The following CCT3 variants were observed in gnomAD, a reference collection of about 807,000 sequenced individuals.
CCT3 encodes the protein T-complex protein 1 subunit gamma.
Under a neutral mutation model 65.3 loss-of-function variants are expected in CCT3, and 10 were observed. That is an observed-to-expected ratio of 0.15 (90% confidence interval 0.09 to 0.26). The LOEUF (loss-of-function observed/expected upper bound fraction) is 0.26, where lower values mean the gene tolerates loss of function less well. CCT3 is among the 10% of genes least tolerant of loss of function. The pLI is 1.00. For missense variants in CCT3, 626 were observed against 708.7 expected (o/e 0.88, Z 1.33); for synonymous variants, 225 against 242.3 (o/e 0.93, Z 0.66).
rs1664541325 is a variant in CCT3 at position 156,321,231 on chromosome 1, G to A, written c.423-206C>T. On this transcript the variant is annotated intron_variant, in intron 6 of 13. Transcript: ENST00000295688. ...CAAGATTACAACTCATCTGTAGACG[G>A]TGCCTTAATTCCCTGAGCAACCCTT... is the stretch of plus-strand genomic sequence containing the variant. Among the ~76,000 whole-genome samples, 2 of 152,170 alleles carry A rather than the reference G, an allele frequency of 1.3e-5. 1 individual carries two copies. Among genetic ancestry groups the A allele is most frequent in the Admixed American group, 1.3e-4 (2 of 15,272 alleles).
chr1:156,310,888 C>T lies in CCT3; in HGVS notation c.1401+62G>A. The T allele has an allele frequency of 1.9e-6, 3 of 1,565,660 alleles. No homozygotes were observed. The South Asian group carries it at 3.5e-5, about 18-fold the overall frequency. ...ATTTGGATAGCCAGATAAGAATCTT[C>T]CCCTCAGGGCAAACACAGCTTTCCC... On this transcript the variant is annotated intron_variant, in intron 12 of 13. Transcript: ENST00000295688.
intron 1 of CCT3, chr1:156,337,094 G>A (rs1665420855): frequency 7.8e-7 from 1 of 1,285,582 alleles, no homozygotes; most frequent in African/African-American, 1.5e-5. Flanking sequence ...GAAGACAATG[G>A]AGGTGGTGCT....
At chr1:156,312,249 C>A (rs1164579252) in intron 10 of CCT3, 28 bp from the exon 11 acceptor site, 2 of 1,600,078 alleles carry the variant, frequency 1.2e-6, no homozygotes, top group African/African-American at 1.3e-5. Flanking sequence ...TGGGGAGAAT[C>A]AGATGATTTC....
At chr1:156,329,918 G>A (rs1395208071) in intron 5 of CCT3, among the ~76,000 whole-genome samples, 2 of 150,754 alleles carry the variant, frequency 1.3e-5, no homozygotes, top group Admixed American at 6.6e-5. Context: ...CAGCCTGGGC[G>A]ACAGTATGAA....
chr1:156,315,142 A>C (rs1364745172), intron 10 of CCT3, among the ~76,000 whole-genome samples: 1 of 152,186 alleles, frequency 6.6e-6, no homozygotes, highest in African/African-American at 2.4e-5. Context: ...TTCAACATGA[A>C]GATGATGATG....
chr1:156,331,242 C>A (rs2101670599), intron 5 of CCT3, among the ~76,000 whole-genome samples: 1 of 152,016 alleles, frequency 6.6e-6, no homozygotes, highest in East Asian at 1.9e-4. Context: ...AAAAGAAAAA[C>A]ACTTTGGGAG....
chr1:156,330,104 A>G (rs1035653238), intron 5 of CCT3, among the ~76,000 whole-genome samples: 1 of 152,210 alleles, frequency 6.6e-6, no homozygotes, highest in African/African-American at 2.4e-5. Flanking sequence ...ATGGATACTT[A>G]TTCTACCCAC....
intron 1 of CCT3, chr1:156,337,896 G>A (rs899383164): frequency 1.9e-6 from 1 of 537,748 alleles, no homozygotes; most frequent in Non-Finnish European, 3.3e-6. Context: ...GACAGAACGC[G>A]GAGTGGGAAA....
chr1:156,314,824 T>C (rs1438331858), intron 10 of CCT3, among the ~76,000 whole-genome samples: 1 of 152,208 alleles, frequency 6.6e-6, no homozygotes, highest in East Asian at 1.9e-4. Context: ...GAAGCAGCAG[T>C]GCCAGAAAAC....
At chr1:156,314,534 G>C (rs1023428745) in intron 10 of CCT3, among the ~76,000 whole-genome samples, 1 of 151,604 alleles carries the variant, frequency 6.6e-6, no homozygotes, top group Non-Finnish European at 1.5e-5. Context: ...GACCAACATG[G>C]AGAAACCCCG....
chr1:156,329,951 A>AC (rs1269281487), intron 5 of CCT3, among the ~76,000 whole-genome samples: 1 of 151,932 alleles, frequency 6.6e-6, no homozygotes, highest in Admixed American at 6.6e-5. Flanking sequence ...AAAAAAAAAA[A>AC]GCAAAAGCCT....
At chr1:156,322,557 A>G (rs1017389655) in intron 6 of CCT3, among the ~76,000 whole-genome samples, 2 of 145,540 alleles carry the variant, frequency 1.4e-5, no homozygotes, top group African/African-American at 5.1e-5. Flanking sequence ...TTACTTGATT[A>G]AAAAAAAAAA....
At position 156,317,512 on chromosome 1, in the gene CCT3, G is replaced by A. The variant is rs1664358420; in HGVS notation, c.795C>T (p.Thr265=). The change falls in exon 9 of 14, where the codon ACC becomes ACT. Residue 265 remains threonine (T), a synonymous_variant. Transcript: ENST00000295688. ...DIEITREEDF[T]RILQMEEEYI... is the part of the protein sequence containing the mutation. ...ACTCTTCCTCCATCTGGAGAATTCG[G>A]GTGAAGTCCTCCTCTCGTGTAATCT... is the stretch of plus-strand genomic sequence containing the variant. 1 of 1,613,812 alleles carries A rather than the reference G, an allele frequency of 6.2e-7. No homozygotes were observed. Among genetic ancestry groups the A allele is most frequent in the African/African-American group, 1.3e-5 (1 of 75,014 alleles).
chr1:156,312,060 G>GC lies in CCT3; in HGVS notation c.1135dup (p.Ala379GlyfsTer2), dbSNP rs1195962947. 6.2e-7 allele frequency: 1 copy of GC among 1,610,022 alleles called. No homozygotes were observed. Among genetic ancestry groups the GC allele is most frequent in the South Asian group, 1.1e-5 (1 of 90,402 alleles). On this transcript the variant is annotated frameshift_variant, in exon 11 of 14. Coordinates refer to ENST00000295688, the MANE Select transcript of CCT3 (RefSeq NM_005998.5). LOFTEE classifies it high-confidence loss of function. ...ACTCACCGAGAGAATCTCTTTGCTAGCCCCCCGGAGGAGAATGGTGCAGGC... is the reference window on the plus strand; with the variant it reads ...ACTCACCGAGAGAATCTCTTTGCTAGCCCCCCCGGAGGAGAATGGTGCAGGC...
rs1334332528 is a variant in CCT3, at chr1:156,309,123, A to G, written c.*76T>C. 6.2e-6 allele frequency: 6 copies of G among 973,244 alleles called. No individual in the cohort carries two copies. The East Asian group carries it at 7.2e-5, about 12-fold the overall frequency. The allele number at this position is 973,244 out of a possible 1,614,324, so 60.3% of individuals were successfully genotyped here. A position where few individuals can be genotyped will look rare whatever the true frequency, so the allele number is the denominator to read the frequency against. On this transcript the variant is annotated 3_prime_UTR_variant, in exon 14 of 14. Transcript: ENST00000295688. ...ATCCCTTCTGAACAAAGACGTCCACAGTGTTCCTGGCACTCTGGCTCAGGA... is the reference window on the plus strand; with the variant it reads ...ATCCCTTCTGAACAAAGACGTCCACGGTGTTCCTGGCACTCTGGCTCAGGA...
At chr1:156,330,526 T>G (rs1665060113) in intron 5 of CCT3, among the ~76,000 whole-genome samples, 1 of 151,358 alleles carries the variant, frequency 6.6e-6, no homozygotes, top group Non-Finnish European at 1.5e-5. Context: ...TAGCTGGGCT[T>G]GGTGGCATGC....
intron 1 of CCT3, 105 bp from the exon 2 acceptor site, chr1:156,335,993 A>T: frequency 1.2e-6 from 1 of 835,950 alleles, no homozygotes; most frequent in Non-Finnish European, 2.0e-6. Context: ...TTCATGGTAT[A>T]TCCACAGAGC....
intron 7 of CCT3, among the ~76,000 whole-genome samples, chr1:156,320,132 C>T (rs1049349743): frequency 9.9e-5 from 15 of 152,178 alleles, no homozygotes; most frequent in Admixed American, 9.2e-4. Flanking sequence ...TTTGGTCAGG[C>T]GCAGTGGCTC....
chr1:156,310,283 A>C (rs962496400), intron 13 of CCT3, among the ~76,000 whole-genome samples: 1 of 152,062 alleles, frequency 6.6e-6, no homozygotes, highest in African/African-American at 2.4e-5. Context: ...ATCTGAGGTC[A>C]GGAGTTCGAG....
Sources: allele counts gnomAD v4.1 joint callset (sites outside exome capture counted in the v4.1 genomes callset), GRCh38; gene constraint gnomAD v4.1.1; transcripts MANE v1.5; gene names NCBI Gene and HGNC (gene_info 2026-07-23, HGNC 2026-07-21).